ZNF773: variants seen among roughly 807,000 people sequenced by gnomAD.
ZNF773 encodes the protein zinc finger protein 419B.
ZNF773 carries 11 observed loss-of-function variants against 12.8 expected under a neutral mutation model. The observed-to-expected ratio is 0.86, with a 90% CI of 0.54 to 1.42. The LOEUF (loss-of-function observed/expected upper bound fraction) is 1.42, where lower values mean the gene tolerates loss of function less well. Among genes scored for constraint, ZNF773 ranks in the 40% most tolerant of loss-of-function variants. The pLI, the probability that ZNF773 is intolerant of heterozygous loss-of-function variation, is 0.00. For missense variants in ZNF773, 518 were observed against 527.2 expected, an observed-to-expected ratio of 0.98 and a Z score of 0.17; for synonymous variants, 175 against 178.4, an observed-to-expected ratio of 0.98 and a Z score of 0.15.
chr19:57,507,505 T>G lies in ZNF773; in HGVS notation c.*81T>G. The G allele has an allele frequency of 6.6e-7, 1 of 1,505,024 alleles. No homozygotes were observed. Among genetic ancestry groups the G allele is most frequent in the Admixed American group, 2.5e-5 (1 of 40,772 alleles). The allele number at this position is 1,505,024 out of a possible 1,614,324, so 93.2% of individuals were successfully genotyped here. A position where few individuals can be genotyped will look rare whatever the true frequency, so the allele number is the denominator to read the frequency against. ...AGTGTAAAAAAGTCTTGAAGGTTAC[T>G]AATGGAAATCCATTAGCTATACCTC... On this transcript the variant is annotated 3_prime_UTR_variant, in exon 4 of 4. Transcript: ENST00000282292.
chr19:57,515,933 A>C (rs1175801928), downstream of ZNF773: 1 of 152,226 alleles, frequency 6.6e-6, no homozygotes, highest in Non-Finnish European at 1.5e-5. Context: ...ACATTGGCAA[A>C]TGTTAGAGGG....
At chr19:57,510,923 T>G (rs1165871571), downstream of ZNF773, among the ~76,000 whole-genome samples, 1 of 152,110 alleles carries the variant, frequency 6.6e-6, no homozygotes, top group African/African-American at 2.4e-5. Flanking sequence ...GTTCTATAGG[T>G]TGAGACGATC....
At chr19:57,504,595 AG>A in intron 1 of ZNF773, 61 bp from the exon 2 acceptor site, 1 of 1,601,592 alleles carries the variant, frequency 6.2e-7, no homozygotes, top group South Asian at 1.1e-5. Context: ...GTGGATGTTT[AG>A]GGGGATGCCT....
intron 3 of ZNF773, among the ~76,000 whole-genome samples, chr19:57,505,911 A>G (rs770432416): frequency 3.0e-4 from 46 of 152,040 alleles, no homozygotes; most frequent in South Asian, 4.2e-4. Flanking sequence ...GGGTTTCACC[A>G]TGTTAGCCTG....
In ZNF773 at chr19:57,506,514, T is replaced by C; in HGVS notation, c.419T>C (p.Val140Ala). 1 of 1,614,088 alleles carries C rather than the reference T, an allele frequency of 6.2e-7. No individual in the cohort carries two copies. Among genetic ancestry groups the C allele is most frequent in the Non-Finnish European group, 8.5e-7 (1 of 1,180,022 alleles). The change falls in exon 4 of 4, where the codon GTC becomes GCC. Residue 140 changes from valine to alanine, a missense_variant. Physicochemically the swap from Val to Ala is moderately conservative, Grantham distance 64 (BLOSUM62 0). Transcript: ENST00000282292. ...GTCCCAGTTTTGAGGAGTTGCAGAG[T>C]CCACCTATCAGAGAAGTCCTTGCAA... ...GRVPVLRSCRVHLSEKSLQSR... is the reference protein window; with the variant it reads ...GRVPVLRSCRAHLSEKSLQSR...
intron 1 of ZNF773, 79 bp downstream of exon 1, chr19:57,500,192 A>G (rs1343060525): frequency 1.4e-5 from 20 of 1,478,244 alleles, no homozygotes; most frequent in Non-Finnish European, 1.8e-5. Flanking sequence ...CGGGTGCAGA[A>G]CTGTGGGGCG....
chr19:57,501,280 T>TC (rs1330749117), intron 1 of ZNF773, among the ~76,000 whole-genome samples: 2 of 104,120 alleles, frequency 1.9e-5, no homozygotes, highest in South Asian at 3.6e-4. Flanking sequence ...TCTTTTTCTT[T>TC]CTTTTTTTTT....
At chr19:57,501,483 A>T (rs895073808) in intron 1 of ZNF773, among the ~76,000 whole-genome samples, 1 of 152,140 alleles carries the variant, frequency 6.6e-6, no homozygotes, top group Non-Finnish European at 1.5e-5. Flanking sequence ...TCCTAGACAC[A>T]TAAGAATGAG....
chr19:57,508,236 A>C, downstream of ZNF773: 2 of 1,166,884 alleles, frequency 1.7e-6, no homozygotes, highest in Non-Finnish European at 1.1e-6. Flanking sequence ...AAATATGCAC[A>C]CTGGAGGCAG....
At chr19:57,502,847 C>G (rs1385242159) in intron 1 of ZNF773, among the ~76,000 whole-genome samples, 1 of 152,062 alleles carries the variant, frequency 6.6e-6, no homozygotes, top group Admixed American at 6.6e-5. Context: ...CCTGCCACCA[C>G]GCCCAGATAA....
chr19:57,504,588 G>A, intron 1 of ZNF773, 69 bp from the exon 2 acceptor site: 1 of 1,596,100 alleles, frequency 6.3e-7, no homozygotes, highest in African/African-American at 1.3e-5. Flanking sequence ...AGCAGGGGTG[G>A]ATGTTTAGGG....
chr19:57,510,479 A>G (rs1278000814), downstream of ZNF773, among the ~76,000 whole-genome samples: 1 of 152,206 alleles, frequency 6.6e-6, no homozygotes, highest in Non-Finnish European at 1.5e-5. Context: ...CAACATTAGG[A>G]ATAACATAAA....
At chr19:57,512,976 A>G (rs755349991), downstream of ZNF773, 65 of 1,503,972 alleles carry the variant, frequency 4.3e-5, no homozygotes, top group Non-Finnish European at 5.6e-5. Context: ...CTTCTTTAAA[A>G]CAGATCTTTT....
At position 57,507,214 on chromosome 19, in the gene ZNF773, C is replaced by G. The variant is rs778513838; in HGVS notation, c.1119C>G (p.Ser373Arg). The G allele has an allele frequency of 1.2e-6, 2 of 1,611,186 alleles. No homozygotes were observed. The highest frequency in any genetic ancestry group is 1.7e-6 in the Non-Finnish European group (2 of 1,178,008). The change falls in exon 4 of 4, where the codon AGC becomes AGG. Residue 373 changes from serine to arginine, a missense_variant. Ser to Arg is a moderately radical substitution (Grantham distance 110, BLOSUM62 -1). Coordinates refer to ENST00000282292, the MANE Select transcript of ZNF773 (RefSeq NM_198542.3). ...ECGKFFSQSS[S>R]LMQHRKVHTG... is the part of the protein sequence containing the mutation. ...GGAAATTTTTTAGCCAAAGCTCAAG[C>G]CTCATGCAACATCGAAAAGTTCACA...
intron 3 of ZNF773, among the ~76,000 whole-genome samples, chr19:57,505,855 G>A (rs370306754): frequency 5.3e-5 from 8 of 151,868 alleles, no homozygotes; most frequent in African/African-American, 1.4e-4. Flanking sequence ...GACTACAGGC[G>A]CCCGCCACCA....
At chr19:57,505,043 C>T (rs1329171034) in intron 2 of ZNF773, 2 of 711,636 alleles carry the variant, frequency 2.8e-6, no homozygotes, top group Non-Finnish European at 5.1e-6. Context: ...CCCTGGTGGC[C>T]TCTCTGTGGC....
chr19:57,507,583 G>GT lies in ZNF773; in HGVS notation c.*160dup. 1 of 1,425,518 alleles carries GT rather than the reference G, an allele frequency of 7.0e-7. No homozygotes were observed. Among genetic ancestry groups the GT allele is most frequent in the Non-Finnish European group, 9.1e-7 (1 of 1,097,284 alleles). 88.3% of individuals were successfully genotyped at this position (1,425,518 alleles called of 1,614,324 possible). A position where few individuals can be genotyped will look rare whatever the true frequency, so the allele number is the denominator to read the frequency against. On this transcript the variant is annotated 3_prime_UTR_variant, in exon 4 of 4. Transcript: ENST00000282292. ...CAGAGTGGACAATGTAGTGAATATG[G>GT]TAAAAGGCCTCAGCCAAAGGCCTAA...
chr19:57,505,528 C>T, intron 3 of ZNF773, 128 bp downstream of exon 3: 1 of 1,068,918 alleles, frequency 9.4e-7, no homozygotes, highest in Non-Finnish European at 1.5e-6. Flanking sequence ...TCTATCTTTT[C>T]TTCCTCAGTC....
Position 57,507,366 on chromosome 19 carries a change from T to G in ZNF773, c.1271T>G (p.Phe424Cys). 1 of 1,612,954 alleles carries G rather than the reference T, an allele frequency of 6.2e-7. No individual in the cohort carries two copies. The highest frequency in any genetic ancestry group is 8.5e-7 in the Non-Finnish European group (1 of 1,179,670). Residue 424 changes from phenylalanine to cysteine, a missense_variant, in exon 4 of 4, where the codon TTT (phenylalanine) becomes TGT (cysteine). By Grantham distance (205) the Phe-to-Cys change is radical. Coordinates refer to ENST00000282292, the MANE Select transcript of ZNF773 (RefSeq NM_198542.3). ...PYECRECGKF[F>C]RHSSSLVKHR... ...GAGTGCAGGGAATGTGGGAAATTTT[T>G]TCGCCACAGCTCCAGTCTTGTTAAA...
Sources: allele counts gnomAD v4.1 joint callset (sites outside exome capture counted in the v4.1 genomes callset), GRCh38; gene constraint gnomAD v4.1.1; transcripts MANE v1.5; gene names NCBI Gene and HGNC (gene_info 2026-07-23, HGNC 2026-07-21).